Variants in ZNF726 observed in about 807,000 individuals in gnomAD.
ZNF726 encodes zinc finger protein 92 pseudogene 3.
ZNF726 carries 15 observed loss-of-function variants against 11.6 expected under a neutral mutation model. That is an observed-to-expected ratio of 1.29 (90% confidence interval 0.86 to 1.99). The LOEUF is 1.99. Ranked by LOEUF, ZNF726 falls within the 30% of genes most tolerant of loss-of-function variation. The pLI, the probability that ZNF726 is intolerant of heterozygous loss-of-function variation, is 0.00. For missense variants in ZNF726, 890 were observed against 725.6 expected, an observed-to-expected ratio of 1.23 and a Z score of -2.60; for synonymous variants, 295 against 243.6, an observed-to-expected ratio of 1.21 and a Z score of -1.96.
chr19:23,937,256 A>G (rs9676453), downstream of ZNF726, among the ~76,000 whole-genome samples: 34,023 of 144,850 alleles, frequency 0.23, 4,269 homozygotes, highest in African/African-American at 0.27. Context: ...CCTCCCTCCC[A>G]GCCGGGGCGG....
At chr19:23,925,400 G>A (rs976792997) in intron 3 of ZNF726, among the ~76,000 whole-genome samples, 1 of 151,854 alleles carries the variant, frequency 6.6e-6, no homozygotes. Flanking sequence ...CACCATGTTG[G>A]TCAGGCTGGT....
chr19:23,941,641 A>T (rs1046957275), intron 3 of ZNF726, among the ~76,000 whole-genome samples: 29 of 151,878 alleles, frequency 1.9e-4, no homozygotes, highest in Non-Finnish European at 7.4e-5. Context: ...TACCATTTTA[A>T]TTTCACTCTT....
At chr19:23,926,023 G>T (rs1392457550) in intron 3 of ZNF726, among the ~76,000 whole-genome samples, 4 of 151,842 alleles carry the variant, frequency 2.6e-5, no homozygotes, top group African/African-American at 9.7e-5. Context: ...CTATTGTTTG[G>T]TTTTAAAAGT....
At chr19:23,935,833 T>TA (rs1340395245), downstream of ZNF726, 1 of 154,862 alleles carries the variant, frequency 6.5e-6, no homozygotes, top group Non-Finnish European at 1.4e-5. Flanking sequence ...GCTCACATCT[T>TA]ACTCAAAATC....
At chr19:23,917,179 G>A (rs895393895) in intron 1 of ZNF726, among the ~76,000 whole-genome samples, 2 of 152,198 alleles carry the variant, frequency 1.3e-5, no homozygotes, top group Admixed American at 6.5e-5. Context: ...TCAAACTTCT[G>A]GCCTCAAGTG....
At chr19:23,923,678 G>A (rs1369449736) in intron 3 of ZNF726, 1 of 163,054 alleles carries the variant, frequency 6.1e-6, no homozygotes, top group Non-Finnish European at 1.3e-5. Flanking sequence ...GATTACAGAT[G>A]CCAGTAATTT....
Position 23,932,594 on chromosome 19 carries a change from T to G in ZNF726, c.478T>G (p.Leu160Val), listed in dbSNP as rs1462940267. The stretch of plus-strand genomic sequence containing the variant: ...GAAAGTCTTTTATAAATTTATAAAT[T>G]TAAACAGATATAAGATAAGACATAC... ...YLKVFYKFINLNRYKIRHTRK... is the reference protein window; with the variant it reads ...YLKVFYKFINVNRYKIRHTRK... The change falls in exon 4 of 4, where the codon TTA becomes GTA. Residue 160 changes from leucine to valine, a missense_variant. Coordinates refer to ENST00000594466, the MANE Select transcript of ZNF726 (RefSeq NM_001244038.2). 2 of 1,543,904 alleles carry G rather than the reference T, an allele frequency of 1.3e-6. No individual in the cohort carries two copies. Among genetic ancestry groups the G allele is most frequent in the East Asian group, 4.9e-5 (2 of 41,014 alleles).
At position 23,933,840 on chromosome 19, in the gene ZNF726, A is replaced by G. The variant is rs1300711629; in HGVS notation, c.1724A>G (p.Asn575Ser). 5.6e-6 allele frequency: 9 copies of G among 1,598,314 alleles called. No homozygotes were observed. Among genetic ancestry groups the G allele is most frequent in the South Asian group, 1.1e-5 (1 of 89,676 alleles). Residue 575 changes from asparagine to serine, a missense_variant, in exon 4 of 4, where the codon AAT (asparagine) becomes AGT (serine). Asn to Ser is a conservative substitution (Grantham distance 46). Coordinates refer to ENST00000594466, the MANE Select transcript of ZNF726 (RefSeq NM_001244038.2). ...YKCEECGKAF[N>S]RSSNLSTHKI... ...TGTGAAGAATGTGGAAAAGCGTTTA[A>G]TCGATCCTCAAATCTTAGTACGCAT...
At chr19:23,922,492 A>G (rs4932933) in intron 3 of ZNF726, among the ~76,000 whole-genome samples, 45,882 of 120,150 alleles carry the variant, frequency 0.38, 7,796 homozygotes, top group African/African-American at 0.56. Flanking sequence ...CACGCTGCCC[A>G]TTGGCTCCCA....
chr19:23,923,072 G>A (rs1025773088), intron 3 of ZNF726, among the ~76,000 whole-genome samples: 6 of 151,900 alleles, frequency 3.9e-5, no homozygotes, highest in Admixed American at 2.6e-4. Flanking sequence ...TAGATAATAC[G>A]CAGGCAGGCA....
rs759114998 is a variant in ZNF726 at position 23,932,544 on chromosome 19, A to T, written c.428A>T (p.Lys143Ile). The change falls in exon 4 of 4, where the codon AAA (lysine) becomes ATA (isoleucine). Residue 143 changes from lysine to isoleucine, a missense_variant. Physicochemically the swap from Lys to Ile is moderately radical, Grantham distance 102. Coordinates refer to ENST00000594466, the MANE Select transcript of ZNF726 (RefSeq NM_001244038.2). ...LNQCFTTTQG[K>I]ASQCGKYLKV... is the part of the protein sequence containing the mutation. ...CAGTGTTTCACAACTACCCAGGGCA[A>T]AGCTTCTCAATGTGGTAAATATTTG... 1.3e-6 allele frequency: 2 copies of T among 1,590,764 alleles called. No individual in the cohort carries two copies. The highest frequency in any genetic ancestry group is 4.5e-5 in the East Asian group (2 of 44,486).
chr19:23,938,754 C>G (rs1003360475), downstream of ZNF726, among the ~76,000 whole-genome samples: 43 of 151,510 alleles, frequency 2.8e-4, no homozygotes, highest in Non-Finnish European at 2.8e-4. Flanking sequence ...ATTACAGGTT[C>G]CCGCCACCAG....
downstream of ZNF726, among the ~76,000 whole-genome samples, chr19:23,937,286 A>ACC (rs957821325): frequency 7.0e-6 from 1 of 142,580 alleles, no homozygotes; most frequent in Non-Finnish European, 1.5e-5. Flanking sequence ...CGGGGGGCTG[A>ACC]CCCCCCCACC....
At chr19:23,938,027 A>T (rs1968275361), downstream of ZNF726, among the ~76,000 whole-genome samples, 1 of 152,210 alleles carries the variant, frequency 6.6e-6, no homozygotes. Flanking sequence ...TATGCCACTA[A>T]CTTTAACCTA....
downstream of ZNF726, among the ~76,000 whole-genome samples, chr19:23,934,636 C>A (rs902704797): frequency 2.6e-5 from 4 of 152,168 alleles, no homozygotes; most frequent in Admixed American, 2.6e-4. Flanking sequence ...TGTTCAGCAG[C>A]CTCCGGACCC....
intron 1 of ZNF726, among the ~76,000 whole-genome samples, chr19:23,917,493 GA>G (rs11297783): frequency 0.18 from 25,620 of 139,884 alleles, 2,435 homozygotes; most frequent in African/African-American, 0.25. Flanking sequence ...AAGAAAAAAA[GA>G]AAAAAAAAAA....
downstream of ZNF726, chr19:23,935,324 C>G (rs1285126162): frequency 1.9e-6 from 1 of 522,868 alleles, no homozygotes; most frequent in African/African-American, 2.0e-5. Flanking sequence ...AAGTGTTTTT[C>G]TGGTCCTCAG....
intron 3 of ZNF726, among the ~76,000 whole-genome samples, chr19:23,940,017 T>A (rs1307673764): frequency 1.3e-5 from 2 of 152,114 alleles, no homozygotes; most frequent in Non-Finnish European, 2.9e-5. Context: ...ATGCAAAACC[T>A]CTTTAGTTTA....
intron 3 of ZNF726, among the ~76,000 whole-genome samples, chr19:23,927,578 A>G (rs1344961191): frequency 6.6e-6 from 1 of 152,118 alleles, no homozygotes; most frequent in Non-Finnish European, 1.5e-5. Flanking sequence ...TGCAGCCTCA[A>G]CCTACTGGGC....
Sources: gnomAD v4.1 joint callset for allele counts (sites outside exome capture counted in the v4.1 genomes callset) on GRCh38, gnomAD v4.1.1 for gene constraint, MANE v1.5 for transcripts, NCBI Gene and HGNC (gene_info 2026-07-23, HGNC 2026-07-21) for gene names.